The following TRAM1 variants were observed in gnomAD, a reference collection of about 807,000 sequenced individuals.
TRAM1 encodes the protein translocation associated membrane protein 1, also known as translocating chain-associated membrane protein 1.
A neutral mutation model predicts 48.7 loss-of-function variants in TRAM1; 17 were observed. That is an observed-to-expected ratio of 0.35 (90% confidence interval 0.24 to 0.52). The LOEUF is 0.52. TRAM1 is among the 20% of genes least tolerant of loss of function. TRAM1 has a pLI of 0.94. For synonymous variants in TRAM1, 182 were observed against 154.0 expected (o/e 1.18, Z -1.34); for missense variants, 351 against 441.5 (o/e 0.79, Z 1.84).
chr8:70,608,222 G>T lies in TRAM1; in HGVS notation c.-23C>A, dbSNP rs756362047. Reference sequence around the variant, plus strand: ...CATGGTGGGGCCGCCGCCCGCGCCTGCAGGTGCTCCGCCCCGGTTCTGCTC... The same window carrying T: ...CATGGTGGGGCCGCCGCCCGCGCCTTCAGGTGCTCCGCCCCGGTTCTGCTC... On this transcript the variant is annotated 5_prime_UTR_variant, in exon 1 of 11. Transcript: ENST00000262213. 19 of 1,577,346 alleles carry T rather than the reference G, an allele frequency of 1.2e-5. No homozygotes were observed. The South Asian group carries it at 2.2e-4, about 18-fold the overall frequency.
intron 10 of TRAM1, among the ~76,000 whole-genome samples, chr8:70,577,434 C>T (rs1816981334): frequency 6.6e-6 from 1 of 152,338 alleles, no homozygotes; most frequent in South Asian, 2.1e-4. Flanking sequence ...AATCAGCATG[C>T]ACTTCCTCCC....
Position 70,598,183 on chromosome 8 carries a change from A to G in TRAM1, c.260T>C (p.Met87Thr). The G allele has an allele frequency of 3.1e-6, 5 of 1,613,512 alleles. No homozygotes were observed. Among genetic ancestry groups the G allele is most frequent in the Admixed American group, 1.7e-5 (1 of 59,946 alleles). ...GGCATGAATAATTATCGCCACTAGC[A>G]TGTAGAAGAAAACAGTAGCCAAATC... ...IKDLATVFFY[M>T]LVAIIIHAVI... The change falls in exon 3 of 11, where the codon ATG (methionine) becomes ACG (threonine). Residue 87 changes from methionine (M) to threonine (T), a missense_variant. By Grantham distance (81) the Met-to-Thr change is moderately conservative. Transcript: ENST00000262213.
chr8:70,580,673 T>G (rs1349464518), intron 10 of TRAM1, among the ~76,000 whole-genome samples: 1 of 152,088 alleles, frequency 6.6e-6, no homozygotes, highest in African/African-American at 2.4e-5. Context: ...ACCATTTCTA[T>G]TCAACACCTG....
rs150612735 is a variant in TRAM1 at position 70,586,991 on chromosome 8, T to A, written c.650A>T (p.His217Leu). Residue 217 changes from histidine (H) to leucine (L), a missense_variant, in exon 8 of 11, where the codon CAT becomes CTT. Physicochemically the swap from His to Leu is moderately conservative, Grantham distance 99. Coordinates refer to ENST00000262213, the MANE Select transcript of TRAM1 (RefSeq NM_014294.6). ...IAGAYLLNLN[H>L]LGLVLLVLHY... ...TAGCACCAGAAGAACAAGTCCTAGA[T>A]GATTCAAGCTGTTAAAAGAGCAAAT... The A allele has an allele frequency of 6.2e-7, 1 of 1,613,792 alleles. No individual in the cohort carries two copies. The highest frequency in any genetic ancestry group is 8.5e-7 in the Non-Finnish European group (1 of 1,179,854).
intron 2 of TRAM1, among the ~76,000 whole-genome samples, chr8:70,599,058 G>C (rs1817549092): frequency 6.6e-6 from 1 of 152,108 alleles, no homozygotes. Flanking sequence ...CCAAATTCAA[G>C]ACTGACCTAG....
intron 6 of TRAM1, among the ~76,000 whole-genome samples, chr8:70,590,441 G>C (rs1338737545): frequency 6.6e-6 from 1 of 152,194 alleles, no homozygotes; most frequent in African/African-American, 2.4e-5. Flanking sequence ...AAAATCCATA[G>C]AGTTTCTTTC....
intron 10 of TRAM1, among the ~76,000 whole-genome samples, chr8:70,576,119 CA>C (rs922157485): frequency 6.5e-4 from 70 of 107,528 alleles, no homozygotes; most frequent in African/African-American, 2.1e-3. Flanking sequence ...AACCCCAAAA[CA>C]AAACAAAAAA....
At chr8:70,606,938 C>CT in intron 1 of TRAM1, 1 of 820,316 alleles carries the variant, frequency 1.2e-6, no homozygotes, top group Middle Eastern at 5.4e-4. Flanking sequence ...CGTCGCTCAT[C>CT]TTTTTTTAAG....
intron 10 of TRAM1, among the ~76,000 whole-genome samples, chr8:70,577,387 G>T (rs1586749162): frequency 6.6e-6 from 1 of 152,190 alleles, no homozygotes; most frequent in East Asian, 1.9e-4. Flanking sequence ...GGACTGGAGT[G>T]AGAACTTACA....
rs112550133 is a variant in TRAM1 at position 70,608,373 on chromosome 8, G to T, written c.-174C>A. ...TACGCAGCCGCCGGGCCGCCCGGGG[G>T]AAAAAAAAAAACACAACAGCTAGCC... On this transcript the variant is annotated 5_prime_UTR_variant, in exon 1 of 11. Coordinates refer to ENST00000262213, the MANE Select transcript of TRAM1 (RefSeq NM_014294.6). 8.0e-6 allele frequency: 3 copies of T among 374,212 alleles called. No homozygotes were observed. Among genetic ancestry groups the T allele is most frequent in the Non-Finnish European group, 1.3e-5 (3 of 227,324 alleles). The allele number at this position is 374,212 out of a possible 1,614,324, so 23.2% of individuals were successfully genotyped here. A position where few individuals can be genotyped will look rare whatever the true frequency, so the allele number is the denominator to read the frequency against.
chr8:70,607,717 GC>G (rs1817778796), intron 1 of TRAM1: 1 of 162,264 alleles, frequency 6.2e-6, no homozygotes, highest in Non-Finnish European at 1.3e-5. Context: ...CGCAGGGGCC[GC>G]CCCCGCCCGC....
intron 2 of TRAM1, among the ~76,000 whole-genome samples, chr8:70,599,765 A>C (rs960874233): frequency 6.6e-6 from 1 of 152,246 alleles, no homozygotes; most frequent in Non-Finnish European, 1.5e-5. Context: ...AAAGCAGAGA[A>C]AGCAAAACAA....
chr8:70,576,333 A>G (rs1446095499), intron 10 of TRAM1, among the ~76,000 whole-genome samples: 8 of 152,172 alleles, frequency 5.3e-5, no homozygotes, highest in African/African-American at 1.9e-4. Flanking sequence ...ATCAACACAA[A>G]AAGACAAATG....
rs1222033990 is a variant in TRAM1, at chr8:70,607,950, G to A, written c.123+127C>T. 6.6e-6 allele frequency: 8 copies of A among 1,204,588 alleles called. No homozygotes were observed. The Admixed American group carries it at 2.7e-4, about 40-fold the overall frequency. 74.6% of individuals were successfully genotyped at this position (1,204,588 alleles called of 1,614,324 possible). On this transcript the variant is annotated intron_variant, in intron 1 of 10. Coordinates refer to ENST00000262213, the MANE Select transcript of TRAM1 (RefSeq NM_014294.6). Reference sequence around the variant, plus strand: ...AGGGAAGGCCTGCACCTCAGGGACTGGGGGTCTGCACCCACCCCGGGCCCG... The same window carrying A: ...AGGGAAGGCCTGCACCTCAGGGACTAGGGGTCTGCACCCACCCCGGGCCCG...
rs577938928 is a variant in TRAM1, at chr8:70,576,034, G to A, written c.1052-1029C>T. Among the ~76,000 whole-genome samples the A allele has an allele frequency of 9.2e-5, 13 of 140,904 alleles. No individual in the cohort carries two copies. In the East Asian group the frequency reaches 2.8e-3, roughly 30 times the overall value. The allele number at this position is 140,904 out of a possible 152,430, so 92.4% of individuals were successfully genotyped here. ...TGCAGTGAGCTGAGATCGCGCCACTGCACTCCAGCGTGGGCAACAGAGCTA... is the reference window on the plus strand; with the variant it reads ...TGCAGTGAGCTGAGATCGCGCCACTACACTCCAGCGTGGGCAACAGAGCTA... On this transcript the variant is annotated intron_variant, in intron 10 of 10. Coordinates refer to ENST00000262213, the MANE Select transcript of TRAM1 (RefSeq NM_014294.6).
chr8:70,593,487 A>G (rs1280005167), intron 6 of TRAM1, among the ~76,000 whole-genome samples: 2 of 152,016 alleles, frequency 1.3e-5, no homozygotes, highest in Admixed American at 6.6e-5. Flanking sequence ...CCGTAACTCA[A>G]TCATTATTAA....
chr8:70,593,407 A>G (rs116220698), intron 6 of TRAM1, among the ~76,000 whole-genome samples: 1,577 of 152,130 alleles, frequency 0.01, 25 homozygotes, highest in African/African-American at 0.036. Flanking sequence ...GATTAAAAAA[A>G]AAAAAAAGAA....
intron 6 of TRAM1, 107 bp downstream of exon 6, chr8:70,594,398 AG>A: frequency 1.4e-6 from 1 of 700,072 alleles, no homozygotes; most frequent in Admixed American, 3.3e-5. Context: ...AGTTGAGGTA[AG>A]AAGAATGGAG....
intron 1 of TRAM1, among the ~76,000 whole-genome samples, chr8:70,601,460 T>G (rs1031031286): frequency 6.6e-6 from 1 of 152,192 alleles, no homozygotes; most frequent in Non-Finnish European, 1.5e-5. Context: ...TGTGTTCCTT[T>G]CCTTCAAAGG....
Sources: allele counts gnomAD v4.1 joint callset (sites outside exome capture counted in the v4.1 genomes callset), GRCh38; gene constraint gnomAD v4.1.1; transcripts MANE v1.5; gene names NCBI Gene and HGNC (gene_info 2026-07-23, HGNC 2026-07-21).